Variants in GFM2 observed in about 807,000 individuals in gnomAD.
GFM2 encodes the protein GTP dependent ribosome recycling factor mitochondrial 2.
Under a neutral mutation model 95.4 loss-of-function variants are expected in GFM2, and 72 were observed. That is an observed-to-expected ratio of 0.76 (90% confidence interval 0.62 to 0.92). The LOEUF (loss-of-function observed/expected upper bound fraction) is 0.92, where lower values mean the gene tolerates loss of function less well. Among genes scored for constraint, GFM2 ranks in the 40% least tolerant of loss-of-function variants. The pLI is 0.00. For missense variants in GFM2, 825 were observed against 924.1 expected, an observed-to-expected ratio of 0.89 and a Z score of 1.39; for synonymous variants, 276 against 317.5, an observed-to-expected ratio of 0.87 and a Z score of 1.39.
intron 19 of GFM2, among the ~76,000 whole-genome samples, chr5:74,724,251 T>C (rs1460974857): frequency 6.6e-6 from 1 of 152,178 alleles, no homozygotes; most frequent in East Asian, 1.9e-4. Flanking sequence ...GGCCAATATA[T>C]TGAGGGCTTG....
chr5:74,757,875 G>A (rs970418458), intron 5 of GFM2, among the ~76,000 whole-genome samples: 17 of 151,882 alleles, frequency 1.1e-4, no homozygotes, highest in South Asian at 2.1e-4. Context: ...CCATTTATAT[G>A]AGGTACCTAG....
intron 7 of GFM2, among the ~76,000 whole-genome samples, chr5:74,749,478 T>C (rs1387867746): frequency 1.3e-5 from 2 of 152,212 alleles, no homozygotes; most frequent in African/African-American, 4.8e-5. Flanking sequence ...ATTATACATC[T>C]TTTCATGTGC....
intron 5 of GFM2, among the ~76,000 whole-genome samples, chr5:74,757,815 A>G (rs1744074544): frequency 6.6e-6 from 1 of 151,956 alleles, no homozygotes; most frequent in Non-Finnish European, 1.5e-5. Flanking sequence ...CCTTGAGGAC[A>G]CTGTACTATG....
intron 11 of GFM2, among the ~76,000 whole-genome samples, chr5:74,740,945 AG>A (rs1439056898): frequency 2.0e-5 from 3 of 152,164 alleles, no homozygotes; most frequent in African/African-American, 7.2e-5. Context: ...CGTTTCATAA[AG>A]AAAAATAAAC....
chr5:74,766,353 A>G (rs960443486), intron 1 of GFM2, among the ~76,000 whole-genome samples: 5 of 152,254 alleles, frequency 3.3e-5, no homozygotes, highest in African/African-American at 9.6e-5. Flanking sequence ...CTCAAATACA[A>G]GCACTAAGAA....
chr5:74,747,768 T>C lies in GFM2; in HGVS notation c.532A>G (p.Thr178Ala). ...ASAGVEAQTL[T>A]VWRQADKHNI... is the part of the protein sequence containing the mutation. ...TGTTTATCAGCTTGCCTCCATACTGTGAGAGTCTGGGCCTAAAGCAAAGAT... is the reference window on the plus strand; with the variant it reads ...TGTTTATCAGCTTGCCTCCATACTGCGAGAGTCTGGGCCTAAAGCAAAGAT... The change falls in exon 8 of 21, where the codon ACA becomes GCA. Residue 178 changes from threonine (T) to alanine (A), a missense_variant. Physicochemically the swap from Thr to Ala is moderately conservative, Grantham distance 58 (BLOSUM62 0). Transcript: ENST00000296805. The C allele has an allele frequency of 1.2e-6, 2 of 1,606,656 alleles. No individual in the cohort carries two copies. Among genetic ancestry groups the C allele is most frequent in the Non-Finnish European group, 1.7e-6 (2 of 1,174,250 alleles).
intron 19 of GFM2, 153 bp from the exon 20 acceptor site, chr5:74,722,714 T>TA: frequency 3.4e-6 from 2 of 588,972 alleles, no homozygotes; most frequent in East Asian, 5.8e-5. Context: ...TATTTGCTTG[T>TA]ATAATAAGCA....
chr5:74,721,782 C>T lies in GFM2; in HGVS notation c.2213G>A (p.Gly738Asp), dbSNP rs139901493. 230 of 1,601,912 alleles carry T rather than the reference C, an allele frequency of 1.4e-4. 1 individual carries two copies. In the East Asian group the frequency reaches 4.9e-3, roughly 34 times the overall value. Reference sequence around the variant, plus strand: ...TAGCGTTCGAAGCACAGTTGAATAACCCTAATCAAAATAATTTAAGTCATT... The same window carrying T: ...TAGCGTTCGAAGCACAGTTGAATAATCCTAATCAAAATAATTTAAGTCATT... The part of the protein sequence containing the change: ...IGFVPLAEIM[G>D]YSTVLRTLTS... The change falls in exon 21 of 21, where the codon GGT (glycine) becomes GAT (aspartate). Residue 738 changes from glycine to aspartate, a missense_variant and splice_region_variant. Coordinates refer to ENST00000296805, the MANE Select transcript of GFM2 (RefSeq NM_032380.5).
Position 74,722,359 on chromosome 5 carries a change from T to C in GFM2, c.2211+20A>G. On this transcript the variant is annotated intron_variant, in intron 20 of 20. Coordinates refer to ENST00000296805, the MANE Select transcript of GFM2 (RefSeq NM_032380.5). ...CCTGAATTAAGAAGAATATGTACTT[T>C]TCAGTTACAAAGTACCTACCATAAT... 1 of 1,598,224 alleles carries C rather than the reference T, an allele frequency of 6.3e-7. No individual in the cohort carries two copies. The highest frequency in any genetic ancestry group is 1.7e-4 in the Middle Eastern group (1 of 5,990).
In GFM2 at chr5:74,738,463, T is replaced by C. The variant is rs887883100; in HGVS notation, c.1220+39A>G. On this transcript the variant is annotated intron_variant, in intron 13 of 20. Transcript: ENST00000296805. ...GTTAGTAAAAGTATTTTTAAAGAAG[T>C]GCATACAGTTTTATAAAATAATCTA... 5.6e-6 allele frequency: 9 copies of C among 1,610,168 alleles called. No individual in the cohort carries two copies. In the African/African-American group the frequency reaches 1.1e-4, roughly 19 times the overall value.
At position 74,754,663 on chromosome 5, in the gene GFM2, G is replaced by A. The variant is rs181312025; in HGVS notation, c.305-3170C>T. Among the ~76,000 whole-genome samples the A allele has an allele frequency of 3.5e-4, 53 of 152,186 alleles. No homozygotes were observed. The East Asian group carries it at 7.9e-3, about 23-fold the overall frequency. On this transcript the variant is annotated intron_variant, in intron 5 of 20. Coordinates refer to ENST00000296805, the MANE Select transcript of GFM2 (RefSeq NM_032380.5). ...AAGACTAGTCGAACAGGAAAATATC[G>A]CAATCCTAAATATATATGCACATAA... is the stretch of plus-strand genomic sequence containing the variant.
chr5:74,753,705 A>C (rs909508196), intron 5 of GFM2, among the ~76,000 whole-genome samples: 2 of 152,202 alleles, frequency 1.3e-5, no homozygotes, highest in Admixed American at 1.3e-4. Context: ...AGCCTCTAAG[A>C]AGTTTGGGAT....
At chr5:74,735,059 A>G (rs760159894) in intron 15 of GFM2, among the ~76,000 whole-genome samples, 1 of 152,218 alleles carries the variant, frequency 6.6e-6, no homozygotes, top group Non-Finnish European at 1.5e-5. Context: ...TTGTTTGGGC[A>G]GCCCCTGCTC....
At chr5:74,761,082 AT>A in intron 2 of GFM2, 96 bp from the exon 3 acceptor site, 1 of 724,436 alleles carries the variant, frequency 1.4e-6, no homozygotes. Flanking sequence ...AAGATAAAAT[AT>A]TTTGTATAGC....
At chr5:74,748,932 A>T (rs1254480563) in intron 7 of GFM2, among the ~76,000 whole-genome samples, 131 of 146,304 alleles carry the variant, frequency 9.0e-4, no homozygotes, top group African/African-American at 2.3e-3. Context: ...AAAAATAAAA[A>T]AAATAAAAAA....
rs1381058376 is a variant in GFM2 at position 74,747,724 on chromosome 5, A to G, written c.576T>C (p.Cys192=). Residue 192 remains cysteine (C), a synonymous_variant, in exon 8 of 21, where the codon TGT becomes TGC. Coordinates refer to ENST00000296805, the MANE Select transcript of GFM2 (RefSeq NM_032380.5). Reference sequence around the variant, plus strand: ...CAGTTTTGTCCATCTTGTTTAAAAAACAGATTCGAGGTATATTGTGTTTAT... The same window carrying G: ...CAGTTTTGTCCATCTTGTTTAAAAAGCAGATTCGAGGTATATTGTGTTTAT... ...QADKHNIPRI[C]FLNKMDKTGA... is the part of the protein sequence containing the mutation. 1.9e-6 allele frequency: 3 copies of G among 1,612,544 alleles called. No homozygotes were observed. The highest frequency in any genetic ancestry group is 1.7e-6 in the Non-Finnish European group (2 of 1,178,806).
intron 17 of GFM2, among the ~76,000 whole-genome samples, chr5:74,727,557 T>C (rs1206682817): frequency 6.6e-6 from 1 of 152,184 alleles, no homozygotes; most frequent in Non-Finnish European, 1.5e-5. Context: ...CCTATTTACC[T>C]ATGTATTATT....
chr5:74,729,709 C>T (rs1750324470), intron 17 of GFM2, among the ~76,000 whole-genome samples: 1 of 148,668 alleles, frequency 6.7e-6, no homozygotes, highest in Non-Finnish European at 1.5e-5. Flanking sequence ...CAATTTCCCA[C>T]AAACCTTTCC....
chr5:74,750,736 ATC>A (rs1469125416), intron 6 of GFM2, 69 bp from the exon 7 acceptor site: 2 of 1,084,768 alleles, frequency 1.8e-6, no homozygotes, highest in Non-Finnish European at 2.8e-6. Context: ...GCAATCTCAC[ATC>A]TCACTCCTGG....
Sources: allele counts gnomAD v4.1 joint callset (sites outside exome capture counted in the v4.1 genomes callset), GRCh38; gene constraint gnomAD v4.1.1; transcripts MANE v1.5; gene names NCBI Gene and HGNC (gene_info 2026-07-23, HGNC 2026-07-21).